Variants in OPCML observed in about 807,000 individuals in gnomAD.
The protein encoded by OPCML is opioid binding protein/cell adhesion molecule like.
Under a neutral mutation model 37.8 loss-of-function variants are expected in OPCML, and 13 were observed. The observed-to-expected ratio is 0.34, with a 90% CI of 0.22 to 0.55. The LOEUF (loss-of-function observed/expected upper bound fraction) is 0.55, where lower values mean the gene tolerates loss of function less well. OPCML is among the 20% of genes least tolerant of loss of function. OPCML has a pLI of 0.91. For missense variants in OPCML, 341 were observed against 435.6 expected, an observed-to-expected ratio of 0.78 and a Z score of 1.93; for synonymous variants, 176 against 168.8, an observed-to-expected ratio of 1.04 and a Z score of -0.33.
At chr11:132,782,929 A>ATATATATATATG in intron 2 of OPCML, among the ~76,000 whole-genome samples, 1 of 146,260 alleles carries the variant, frequency 6.8e-6, no homozygotes, top group Non-Finnish European at 1.5e-5. Flanking sequence ...ATATATATAT[A>ATATATATATATG]TATATATATA....
intron 1 of OPCML, among the ~76,000 whole-genome samples, chr11:133,338,449 C>G (rs1592214405): frequency 6.6e-6 from 1 of 152,294 alleles, no homozygotes; most frequent in South Asian, 2.1e-4. Context: ...TGCTGGCCAG[C>G]TCTGAGGCTC....
chr11:133,513,735 T>C (rs1591586371), intron 1 of OPCML, among the ~76,000 whole-genome samples: 1 of 152,346 alleles, frequency 6.6e-6, no homozygotes, highest in African/African-American at 2.4e-5. Flanking sequence ...GCATAACTGA[T>C]ACCTGTTGCA....
intron 1 of OPCML, among the ~76,000 whole-genome samples, chr11:133,064,546 T>C (rs1038497397): frequency 6.6e-6 from 1 of 152,196 alleles, no homozygotes; most frequent in Non-Finnish European, 1.5e-5. Flanking sequence ...GGCCACCTTG[T>C]GTGCTTGCCC....
chr11:133,425,649 T>C (rs761686292), intron 1 of OPCML, among the ~76,000 whole-genome samples: 6 of 152,280 alleles, frequency 3.9e-5, no homozygotes, highest in Non-Finnish European at 8.8e-5. Flanking sequence ...TCCTGCATCT[T>C]CAGTGCCACC....
chr11:132,797,461 T>C (rs564577209), intron 2 of OPCML, among the ~76,000 whole-genome samples: 1 of 152,376 alleles, frequency 6.6e-6, no homozygotes, highest in African/African-American at 2.4e-5. Flanking sequence ...TCTATTAATC[T>C]AGAAGCACAC....
chr11:133,338,228 C>A (rs1943785072), intron 1 of OPCML, among the ~76,000 whole-genome samples: 1 of 152,104 alleles, frequency 6.6e-6, no homozygotes, highest in African/African-American at 2.4e-5. Context: ...ACACTTAATT[C>A]ATCTCAGAGG....
intron 1 of OPCML, among the ~76,000 whole-genome samples, chr11:133,043,573 G>A (rs764921975): frequency 1.2e-4 from 19 of 152,218 alleles, no homozygotes; most frequent in Admixed American, 3.3e-4. Context: ...CTGTGCCACA[G>A]TCTGCAGCCT....
intron 4 of OPCML, among the ~76,000 whole-genome samples, chr11:132,466,832 C>T (rs1234472907): frequency 6.6e-6 from 1 of 152,082 alleles, no homozygotes; most frequent in Non-Finnish European, 1.5e-5. Flanking sequence ...TCAGATATTG[C>T]ACAAAAGAAA....
intron 1 of OPCML, among the ~76,000 whole-genome samples, chr11:132,981,065 A>G (rs894510085): frequency 1.2e-4 from 19 of 152,216 alleles, no homozygotes; most frequent in Non-Finnish European, 1.5e-4. Context: ...CTATCTAAAC[A>G]CAGTAAAATA....
At chr11:132,639,957 C>A (rs367653577) in intron 3 of OPCML, among the ~76,000 whole-genome samples, 3 of 152,306 alleles carry the variant, frequency 2.0e-5, no homozygotes, top group African/African-American at 7.2e-5. Context: ...GTTTCTGAGG[C>A]AAATGTGAGC....
At chr11:132,828,064 CAA>C (rs1022119560) in intron 2 of OPCML, among the ~76,000 whole-genome samples, 5 of 152,000 alleles carry the variant, frequency 3.3e-5, no homozygotes, top group African/African-American at 1.2e-4. Flanking sequence ...TCAGTGCTAA[CAA>C]GAGATGAGTT....
At chr11:132,489,448 G>A (rs757155773) in intron 4 of OPCML, among the ~76,000 whole-genome samples, 8 of 152,140 alleles carry the variant, frequency 5.3e-5, no homozygotes, top group South Asian at 2.1e-4. Flanking sequence ...GACCAGTAAC[G>A]ATCGTTTATT....
At chr11:133,097,322 A>C (rs998786687) in intron 1 of OPCML, among the ~76,000 whole-genome samples, 3 of 152,200 alleles carry the variant, frequency 2.0e-5, no homozygotes, top group African/African-American at 2.4e-5. Context: ...AATAAATCTC[A>C]AGAGAAAATT....
At position 133,152,017 on chromosome 11, in the gene OPCML, G is replaced by A. The variant is rs1403966195; in HGVS notation, c.62-209007C>T. On this transcript the variant is annotated intron_variant, in intron 1 of 7. Transcript: ENST00000524381. ...AACAATGACATCTTTTTTGTTCACA[G>A]TTGTTGAGGAACAGAAACAGAGATT... is the stretch of plus-strand genomic sequence containing the variant. Among the ~76,000 whole-genome samples the A allele has an allele frequency of 2.6e-5, 4 of 152,176 alleles. No homozygotes were observed. The South Asian group carries it at 6.2e-4, about 24-fold the overall frequency.
At chr11:132,518,776 A>G (rs1392318411) in intron 4 of OPCML, among the ~76,000 whole-genome samples, 1 of 152,202 alleles carries the variant, frequency 6.6e-6, no homozygotes, top group East Asian at 1.9e-4. Context: ...CCACTAGACC[A>G]TAGGCTCCAG....
intron 2 of OPCML, among the ~76,000 whole-genome samples, chr11:132,854,319 T>C (rs1941954976): frequency 6.6e-6 from 1 of 152,226 alleles, no homozygotes; most frequent in African/African-American, 2.4e-5. Context: ...TTCTTGTTCA[T>C]CAATCTGGAA....
intron 3 of OPCML, among the ~76,000 whole-genome samples, chr11:132,582,098 C>A (rs1591582546): frequency 7.6e-6 from 1 of 131,588 alleles, no homozygotes; most frequent in East Asian, 2.2e-4. Context: ...ACTATTCACA[C>A]ATACTTTGTG....
chr11:132,611,796 G>A (rs1273682762), intron 3 of OPCML, among the ~76,000 whole-genome samples: 1 of 152,176 alleles, frequency 6.6e-6, no homozygotes, highest in Non-Finnish European at 1.5e-5. Flanking sequence ...ATTGGAGGCA[G>A]TAGTAATAAT....
chr11:133,518,036 CAG>C (rs1858466668), intron 1 of OPCML, among the ~76,000 whole-genome samples: 1 of 152,112 alleles, frequency 6.6e-6, no homozygotes, highest in Admixed American at 6.5e-5. Flanking sequence ...TCTCATATTA[CAG>C]AGAGACAGCC....
Sources: gnomAD v4.1 joint callset for allele counts (sites outside exome capture counted in the v4.1 genomes callset) on GRCh38, gnomAD v4.1.1 for gene constraint, MANE v1.5 for transcripts, NCBI Gene and HGNC (gene_info 2026-07-23, HGNC 2026-07-21) for gene names.